Variants in SNX16 observed in about 807,000 individuals in gnomAD.
SNX16 encodes sorting nexin 16, also known as sorting nexin-16.
Under a neutral mutation model 36.7 loss-of-function variants are expected in SNX16, and 35 were observed. That is an observed-to-expected ratio of 0.95 (90% CI 0.73 to 1.27). The LOEUF (loss-of-function observed/expected upper bound fraction) is 1.27. SNX16 is among the 50% of genes most tolerant of loss of function. SNX16 has a pLI of 0.00. For synonymous variants in SNX16, 134 were observed against 132.0 expected (o/e 1.02, Z -0.10); for missense variants, 367 against 393.6 (o/e 0.93, Z 0.57).
chr8:81,816,185 T>TTTTTC (rs1554545077), intron 4 of SNX16, among the ~76,000 whole-genome samples: 22 of 150,750 alleles, frequency 1.5e-4, no homozygotes, highest in African/African-American at 4.9e-4. Context: ...GATTTTCTTT[T>TTTTTC]TTTTTTTTTT....
At chr8:81,829,592 TA>T in intron 2 of SNX16, 76 bp from the exon 3 acceptor site, 2 of 554,252 alleles carry the variant, frequency 3.6e-6, no homozygotes, top group South Asian at 4.3e-5. Flanking sequence ...CCAAATATTT[TA>T]AAAAATTTTA....
At chr8:81,809,044 G>A (rs763863693) in intron 5 of SNX16, among the ~76,000 whole-genome samples, 19 of 151,520 alleles carry the variant, frequency 1.3e-4, no homozygotes, top group Non-Finnish European at 2.8e-4. Flanking sequence ...GTCTGATTGT[G>A]ATACTGAATA....
At chr8:81,802,932 T>C (rs1157928386) in intron 6 of SNX16, among the ~76,000 whole-genome samples, 160 bp downstream of exon 6, 1 of 151,764 alleles carries the variant, frequency 6.6e-6, no homozygotes, top group Non-Finnish European at 1.5e-5. Flanking sequence ...TTTAGCAAAA[T>C]TATGCTAAAT....
chr8:81,821,761 G>C (rs1810756957), intron 4 of SNX16, among the ~76,000 whole-genome samples: 4 of 151,658 alleles, frequency 2.6e-5, no homozygotes, highest in Admixed American at 1.3e-4. Flanking sequence ...ATTCACTCAA[G>C]AAGTACTTAT....
At chr8:81,841,580 T>G (rs1811777905) in intron 1 of SNX16, 1 of 151,470 alleles carries the variant, frequency 6.6e-6, no homozygotes, top group South Asian at 2.1e-4. Context: ...TCAATACATA[T>G]CAACACAACC....
At chr8:81,821,806 T>G (rs577259892) in intron 4 of SNX16, among the ~76,000 whole-genome samples, 2 of 152,144 alleles carry the variant, frequency 1.3e-5, no homozygotes, top group Non-Finnish European at 2.9e-5. Context: ...TGCTAAACAT[T>G]AGATTGGATG....
chr8:81,810,650 T>C (rs530893846), intron 5 of SNX16, among the ~76,000 whole-genome samples: 1 of 152,332 alleles, frequency 6.6e-6, no homozygotes, highest in South Asian at 2.1e-4. Context: ...ATAAACTTAA[T>C]ATTGCCTTGG....
chr8:81,807,532 A>G (rs1810019377), intron 5 of SNX16, among the ~76,000 whole-genome samples: 1 of 146,928 alleles, frequency 6.8e-6, no homozygotes, highest in Non-Finnish European at 1.5e-5. Flanking sequence ...AAAAAAAAAA[A>G]AAAAAAAAAA....
intron 2 of SNX16, 117 bp downstream of exon 2, chr8:81,839,495 G>C: frequency 9.2e-7 from 1 of 1,089,222 alleles, no homozygotes; most frequent in African/African-American, 1.6e-5. Context: ...AAAACCATTA[G>C]AATTTCATAT....
At chr8:81,829,186 T>C (rs1811139846) in intron 3 of SNX16, among the ~76,000 whole-genome samples, 1 of 151,080 alleles carries the variant, frequency 6.6e-6, no homozygotes, top group African/African-American at 2.4e-5. Context: ...TTATAATAAT[T>C]CAAAAGATCT....
At chr8:81,817,869 ACTGT>A (rs1810563567) in intron 4 of SNX16, among the ~76,000 whole-genome samples, 1 of 152,084 alleles carries the variant, frequency 6.6e-6, no homozygotes, top group African/African-American at 2.4e-5. Context: ...ATATTTATTG[ACTGT>A]CTATGTGTGC....
chr8:81,822,962 A>AGATG (rs1810832964), intron 4 of SNX16, among the ~76,000 whole-genome samples: 1 of 111,186 alleles, frequency 9.0e-6, no homozygotes, highest in South Asian at 3.3e-4. Context: ...ATATATATAT[A>AGATG]TATATATATA....
At chr8:81,827,316 AT>A (rs55836138) in intron 3 of SNX16, among the ~76,000 whole-genome samples, 21 of 152,070 alleles carry the variant, frequency 1.4e-4, no homozygotes, top group South Asian at 8.3e-4. Flanking sequence ...AAAATAATGG[AT>A]TTTTTTTCAT....
intron 2 of SNX16, among the ~76,000 whole-genome samples, chr8:81,833,962 T>C (rs567861333): frequency 6.6e-6 from 1 of 152,358 alleles, no homozygotes; most frequent in East Asian, 1.9e-4. Context: ...ATACAAAAAG[T>C]GTGCAATTCA....
intron 5 of SNX16, chr8:81,808,677 G>A (rs1227035770): frequency 1.8e-5 from 18 of 994,994 alleles, no homozygotes; most frequent in Non-Finnish European, 2.7e-5. Flanking sequence ...ACGAAACCAA[G>A]GTGGCTATGG....
chr8:81,815,483 GTT>G (rs1158040498), intron 4 of SNX16, 89 bp from the exon 5 acceptor site: 5 of 989,012 alleles, frequency 5.1e-6, no homozygotes, highest in Non-Finnish European at 7.5e-6. Flanking sequence ...GCTGTACAGT[GTT>G]TTAAACAAGT....
At position 81,801,369 on chromosome 8, in the gene SNX16, A is replaced by G; in HGVS notation, c.*128T>C. On this transcript the variant is annotated 3_prime_UTR_variant, in exon 8 of 8. Transcript: ENST00000345957. The stretch of plus-strand genomic sequence containing the variant: ...TAACTTAAAAAAACTTCTTTATGTA[A>G]ACTTTATACATGTGCATTCTTGCTC... 2.1e-6 allele frequency: 1 copy of G among 470,244 alleles called. No homozygotes were observed. Among genetic ancestry groups the G allele is most frequent in the Non-Finnish European group, 3.7e-6 (1 of 273,462 alleles). 29.1% of individuals were successfully genotyped at this position (470,244 alleles called of 1,614,324 possible). A position where few individuals can be genotyped will look rare whatever the true frequency, so the allele number is the denominator to read the frequency against.
rs756125144 is a variant in SNX16, at chr8:81,839,693, C to T, written c.294G>A (p.Pro98=). The T allele has an allele frequency of 6.2e-6, 10 of 1,612,736 alleles. No individual in the cohort carries two copies. Among genetic ancestry groups the T allele is most frequent in the African/African-American group, 2.7e-5 (2 of 74,522 alleles). The change falls in exon 2 of 8, where the codon CCG becomes CCA. Residue 98 remains proline (P), a synonymous_variant. Coordinates refer to ENST00000345957, the MANE Select transcript of SNX16 (RefSeq NM_152836.3). Reference sequence around the variant, plus strand: ...GTCTATCTTCCCAATTCACTGTTTCCGGATTTTGTTCTTCAGTGTCTCTTG... The same window carrying T: ...GTCTATCTTCCCAATTCACTGTTTCTGGATTTTGTTCTTCAGTGTCTCTTG... ...TRPRDTEEQN[P]ETVNWEDRPS... is the part of the protein sequence containing the mutation.
In SNX16 at chr8:81,800,018, T is replaced by C. The variant is rs921048937; in HGVS notation, c.*1479A>G. 7 of 151,774 alleles carry C rather than the reference T, an allele frequency of 4.6e-5. No individual in the cohort carries two copies. Among genetic ancestry groups the C allele is most frequent in the African/African-American group, 1.5e-4 (6 of 41,364 alleles). The allele number at this position is 151,774 out of a possible 1,614,324, so 9.4% of individuals were successfully genotyped here. On this transcript the variant is annotated 3_prime_UTR_variant, in exon 8 of 8. Coordinates refer to ENST00000345957, the MANE Select transcript of SNX16 (RefSeq NM_152836.3). ...CCTGTGCACTTTGACAGACTAAAAA[T>C]TTTTGGTTATTTGGTAAAAAGTGAT...
Sources: gnomAD v4.1 joint callset for allele counts (sites outside exome capture counted in the v4.1 genomes callset) on GRCh38, gnomAD v4.1.1 for gene constraint, MANE v1.5 for transcripts, NCBI Gene and HGNC (gene_info 2026-07-23, HGNC 2026-07-21) for gene names.